CCDC60: variants seen among roughly 807,000 people sequenced by gnomAD.
CCDC60 encodes the protein coiled-coil domain containing 60.
In CCDC60, 54 loss-of-function variants were observed where a neutral mutation model predicts 63.5. That is an observed-to-expected ratio of 0.85 (90% CI 0.68 to 1.07). The LOEUF (loss-of-function observed/expected upper bound fraction) is 1.07. Among genes scored for constraint, CCDC60 ranks in the 50% least tolerant of loss-of-function variants. The probability of loss-of-function intolerance (pLI) is 0.00; values close to 1 mark genes in which losing one functional copy is unlikely to be tolerated. For missense variants in CCDC60, 651 were observed against 684.3 expected, an observed-to-expected ratio of 0.95 and a Z score of 0.54; for synonymous variants, 206 against 238.8, an observed-to-expected ratio of 0.86 and a Z score of 1.27.
At chr12:119,422,734 G>A (rs961341241) in intron 1 of CCDC60, among the ~76,000 whole-genome samples, 1 of 152,186 alleles carries the variant, frequency 6.6e-6, no homozygotes, top group Non-Finnish European at 1.5e-5. Context: ...TGGAGACACA[G>A]ATCCAAACCG....
At chr12:119,454,707 T>C (rs1950693270) in intron 2 of CCDC60, among the ~76,000 whole-genome samples, 1 of 152,250 alleles carries the variant, frequency 6.6e-6, no homozygotes, top group Non-Finnish European at 1.5e-5. Context: ...AGATATTGTC[T>C]CTTGGAACTG....
chr12:119,435,849 C>A (rs1054325688), intron 2 of CCDC60, among the ~76,000 whole-genome samples: 1 of 152,162 alleles, frequency 6.6e-6, no homozygotes, highest in Non-Finnish European at 1.5e-5. Flanking sequence ...CCCTTGTGCA[C>A]CTGTAATCAG....
chr12:119,419,688 C>A (rs1486164252), intron 1 of CCDC60, among the ~76,000 whole-genome samples: 1 of 151,998 alleles, frequency 6.6e-6, no homozygotes, highest in Non-Finnish European at 1.5e-5. Context: ...TCCCAGGGAT[C>A]ATTGTTCCTT....
At position 119,433,908 on chromosome 12, in the gene CCDC60, C is replaced by T. The variant is rs566718894; in HGVS notation, c.170+5146C>T. Among the ~76,000 whole-genome samples, 12 of 152,286 alleles carry T rather than the reference C, an allele frequency of 7.9e-5. No individual in the cohort carries two copies. The South Asian group carries it at 2.5e-3, about 32-fold the overall frequency. On this transcript the variant is annotated intron_variant, in intron 2 of 13. Coordinates refer to ENST00000327554, the MANE Select transcript of CCDC60 (RefSeq NM_178499.5). ...AGGCACAAACTTGGTGAATTTCTAG[C>T]GGAAGTTGACAATCAGGGTCTCTTT...
intron 4 of CCDC60, among the ~76,000 whole-genome samples, chr12:119,480,293 A>T (rs142424266): frequency 2.2e-3 from 336 of 152,026 alleles, no homozygotes; most frequent in African/African-American, 7.6e-3. Context: ...ACATAAACTC[A>T]CCTATTCAGG....
chr12:119,517,443 A>G (rs1419265271), intron 8 of CCDC60, among the ~76,000 whole-genome samples: 1 of 152,226 alleles, frequency 6.6e-6, no homozygotes, highest in Non-Finnish European at 1.5e-5. Context: ...AGAAGTGTCC[A>G]TTAAAGGAAA....
intron 1 of CCDC60, among the ~76,000 whole-genome samples, chr12:119,408,375 G>C (rs1180721117): frequency 6.6e-6 from 1 of 152,224 alleles, no homozygotes; most frequent in African/African-American, 2.4e-5. Flanking sequence ...ACTGAAGATG[G>C]CAGCTGGGCC....
intron 2 of CCDC60, among the ~76,000 whole-genome samples, chr12:119,445,855 G>A (rs2727742): frequency 0.89 from 135,462 of 152,154 alleles, 60,695 homozygotes; most frequent in East Asian, 1. Flanking sequence ...CAAATATCGT[G>A]TGTTCTCAAG....
intron 2 of CCDC60, among the ~76,000 whole-genome samples, chr12:119,444,924 T>C (rs1217877206): frequency 1.3e-5 from 2 of 151,862 alleles, no homozygotes; most frequent in Admixed American, 6.6e-5. Flanking sequence ...AAGAGCAAAA[T>C]GGCTTTTTTT....
At chr12:119,443,801 A>G (rs541368374) in intron 2 of CCDC60, among the ~76,000 whole-genome samples, 1 of 152,282 alleles carries the variant, frequency 6.6e-6, no homozygotes, top group East Asian at 1.9e-4. Flanking sequence ...TCTACCACCT[A>G]CTAGCTTTTT....
chr12:119,385,771 G>A (rs1041968103), intron 1 of CCDC60, among the ~76,000 whole-genome samples: 3 of 152,112 alleles, frequency 2.0e-5, no homozygotes, highest in Admixed American at 1.3e-4. Flanking sequence ...CCTGTCACAC[G>A]GCCTCTCCCT....
rs554393023 is a variant in CCDC60, at chr12:119,504,406, C to T, written c.649-663C>T. Among the ~76,000 whole-genome samples, 6 of 152,242 alleles carry T rather than the reference C, an allele frequency of 3.9e-5. No individual in the cohort carries two copies. In the South Asian group the frequency reaches 1.2e-3, roughly 32 times the overall value. ...TAAAAATCCACAGGACTTTCCCTAC[C>T]TACCTCTCAATTCCTTCCAGAACTT... is the stretch of plus-strand genomic sequence containing the variant. On this transcript the variant is annotated intron_variant, in intron 6 of 13. Transcript: ENST00000327554.
At chr12:119,398,709 A>G (rs905253688) in intron 1 of CCDC60, among the ~76,000 whole-genome samples, 1 of 152,238 alleles carries the variant, frequency 6.6e-6, no homozygotes, top group African/African-American at 2.4e-5. Flanking sequence ...AAGTGGTGAA[A>G]CTAGCATTTT....
At chr12:119,378,954 G>A (rs1955981928) in intron 1 of CCDC60, among the ~76,000 whole-genome samples, 1 of 152,154 alleles carries the variant, frequency 6.6e-6, no homozygotes, top group African/African-American at 2.4e-5. Context: ...GCTCAGCCCA[G>A]GGCCAACACA....
chr12:119,343,706 G>T (rs1377339469), intron 1 of CCDC60, among the ~76,000 whole-genome samples: 2 of 150,330 alleles, frequency 1.3e-5, no homozygotes, highest in Non-Finnish European at 2.9e-5. Context: ...GCTTGAGGTA[G>T]AAACAAGTTC....
At chr12:119,476,006 T>A (rs1359297286) in intron 3 of CCDC60, among the ~76,000 whole-genome samples, 1 of 152,144 alleles carries the variant, frequency 6.6e-6, no homozygotes, top group African/African-American at 2.4e-5. Context: ...AAAATACAAG[T>A]TTCATTTATA....
intron 2 of CCDC60, among the ~76,000 whole-genome samples, chr12:119,461,483 C>T (rs1360182465): frequency 6.6e-6 from 1 of 152,034 alleles, no homozygotes; most frequent in Non-Finnish European, 1.5e-5. Flanking sequence ...TTGGCCAAGC[C>T]CTGCTGAGAA....
At chr12:119,432,160 G>A (rs1387639970) in intron 2 of CCDC60, among the ~76,000 whole-genome samples, 1 of 152,146 alleles carries the variant, frequency 6.6e-6, no homozygotes, top group African/African-American at 2.4e-5. Context: ...CAAGTTAGAG[G>A]GCTTTTGAGG....
chr12:119,520,328 C>T (rs1430878110), intron 9 of CCDC60, 136 bp downstream of exon 9: 1 of 693,344 alleles, frequency 1.4e-6, no homozygotes. Flanking sequence ...TATGACCTCA[C>T]TAGAAACAAG....
Sources: allele counts gnomAD v4.1 joint callset (sites outside exome capture counted in the v4.1 genomes callset), GRCh38; gene constraint gnomAD v4.1.1; transcripts MANE v1.5; gene names NCBI Gene and HGNC (gene_info 2026-07-23, HGNC 2026-07-21).